Variants in FAM135B observed in about 807,000 individuals in gnomAD.
FAM135B encodes protein FAM135B.
FAM135B carries 43 observed loss-of-function variants against 127.7 expected under a neutral mutation model. The ratio of observed to expected loss-of-function variants is 0.34; its 90% CI spans 0.26 to 0.43. FAM135B has a LOEUF of 0.43. FAM135B is among the 20% of genes least tolerant of loss of function. The pLI is 1.00. For synonymous variants in FAM135B, 670 were observed against 665.1 expected, an observed-to-expected ratio of 1.01 and a Z score of -0.11; for missense variants, 1,558 against 1,725.6, an observed-to-expected ratio of 0.90 and a Z score of 1.72.
Position 138,178,429 on chromosome 8 carries a change from C to G in FAM135B, c.1029+106G>C, listed in dbSNP as rs78098565. 17 of 1,352,930 alleles carry G rather than the reference C, an allele frequency of 1.3e-5. No homozygotes were observed. The East Asian group carries it at 3.0e-4, about 24-fold the overall frequency. The allele number at this position is 1,352,930 out of a possible 1,614,324, so 83.8% of individuals were successfully genotyped here. ...CGGTCATGGTAGAGACACGAAAGCACGAAGATCTAGAGGCCAATCCTAATG... is the reference window on the plus strand; with the variant it reads ...CGGTCATGGTAGAGACACGAAAGCAGGAAGATCTAGAGGCCAATCCTAATG... On this transcript the variant is annotated intron_variant, in intron 10 of 19. Coordinates refer to ENST00000395297, the MANE Select transcript of FAM135B (RefSeq NM_015912.4).
chr8:138,242,873 C>G lies in FAM135B; in HGVS notation c.669+69G>C, dbSNP rs1030339903. ...GGGGATGTTTCAAAGAAGCATGAAT[C>G]TCATAGAACATACACTCTGCAAAGT... is the stretch of plus-strand genomic sequence containing the variant. On this transcript the variant is annotated intron_variant, in intron 7 of 19. Transcript: ENST00000395297. This position sits in a 1 kb window ranked among gnomAD's most constrained non-coding sequence, Gnocchi z 9.6. 2.7e-5 allele frequency: 41 copies of G among 1,528,890 alleles called. No homozygotes were observed. The African/African-American group carries it at 5.5e-4, about 20-fold the overall frequency. The allele number at this position is 1,528,890 out of a possible 1,614,324, so 94.7% of individuals were successfully genotyped here.
At chr8:138,405,589 A>G (rs1270433172) in intron 1 of FAM135B, among the ~76,000 whole-genome samples, 1 of 151,970 alleles carries the variant, frequency 6.6e-6, no homozygotes, top group African/African-American at 2.4e-5. Flanking sequence ...TATATGTGCC[A>G]CATTTTCTTA....
chr8:138,132,877 C>T lies in FAM135B; in HGVS notation c.4016-79G>A, dbSNP rs548851536. On this transcript the variant is annotated intron_variant, in intron 19 of 19. Transcript: ENST00000395297. This position sits in a 1 kb window ranked among gnomAD's most constrained non-coding sequence, Gnocchi z 4.5. ...CTAGAGAACATCACTAGATGTGTGTCGAAATTCTGTTCCTGGGCAGACCTG... is the reference window on the plus strand; with the variant it reads ...CTAGAGAACATCACTAGATGTGTGTTGAAATTCTGTTCCTGGGCAGACCTG... 10 of 1,310,214 alleles carry T rather than the reference C, an allele frequency of 7.6e-6. No individual in the cohort carries two copies. Among genetic ancestry groups the T allele is most frequent in the South Asian group, 6.0e-5 (5 of 83,056 alleles). 81.2% of individuals were successfully genotyped at this position (1,310,214 alleles called of 1,614,324 possible).
At chr8:138,381,420 C>T (rs2131286625) in intron 1 of FAM135B, among the ~76,000 whole-genome samples, 1 of 152,254 alleles carries the variant, frequency 6.6e-6, no homozygotes, top group Middle Eastern at 3.4e-3. Context: ...CATGCCACCG[C>T]CCTCCCTAAC....
intron 3 of FAM135B, 40 bp from the exon 4 acceptor site, chr8:138,265,882 A>G: frequency 6.3e-7 from 1 of 1,584,888 alleles, no homozygotes; most frequent in South Asian, 1.1e-5. Flanking sequence ...GAACTCCAAT[A>G]CTGTCCTGTA....
chr8:138,364,357 G>GT (rs1272365738), intron 2 of FAM135B, among the ~76,000 whole-genome samples: 5 of 152,026 alleles, frequency 3.3e-5, no homozygotes. Context: ...CAAGTGCAAG[G>GT]TTTTGTTGCT....
At chr8:138,390,815 C>A (rs883971) in intron 1 of FAM135B, among the ~76,000 whole-genome samples, 12,993 of 152,138 alleles carry the variant, frequency 0.085, 746 homozygotes, top group Middle Eastern at 0.13. Context: ...TCTCCTTCTG[C>A]AGCACTCTAT....
chr8:138,172,541 C>T (rs1019881469), intron 11 of FAM135B, among the ~76,000 whole-genome samples: 10 of 152,230 alleles, frequency 6.6e-5, no homozygotes, highest in African/African-American at 1.2e-4. Flanking sequence ...TTCTATTACC[C>T]GGTTCTTTAG....
chr8:138,157,747 G>A lies in FAM135B; in HGVS notation c.1259-4531C>T, dbSNP rs769038820. 5.9e-5 allele frequency among the ~76,000 whole-genome samples: 9 copies of A among 152,224 alleles called. 1 individual carries two copies. The highest frequency in any genetic ancestry group is 1.3e-4 in the Non-Finnish European group (9 of 68,046). ...TAGGAATCCAACTTACAAGGGACAT[G>A]TAGGATCTCTTCAAGGAGAAACTAC... On this transcript the variant is annotated intron_variant, in intron 12 of 19. Coordinates refer to ENST00000395297, the MANE Select transcript of FAM135B (RefSeq NM_015912.4).
intron 2 of FAM135B, among the ~76,000 whole-genome samples, chr8:138,330,939 T>C (rs1224775345): frequency 6.6e-6 from 1 of 150,832 alleles, no homozygotes; most frequent in Non-Finnish European, 1.5e-5. Context: ...GCCTCCAGGG[T>C]TCAAGCGATT....
chr8:138,134,922 T>C (rs1288787161), intron 19 of FAM135B, among the ~76,000 whole-genome samples: 2 of 152,144 alleles, frequency 1.3e-5, no homozygotes, highest in African/African-American at 2.4e-5. Context: ...TAAATGGCCA[T>C]TGTGAATATC....
chr8:138,133,887 C>T (rs914418389), intron 19 of FAM135B, among the ~76,000 whole-genome samples: 34 of 152,048 alleles, frequency 2.2e-4, no homozygotes, highest in Non-Finnish European at 7.4e-5. Context: ...TTTTCCCCCC[C>T]TTCTTAGGGT....
At chr8:138,469,186 CAGTTTTT>C (rs1444438436) in intron 1 of FAM135B, among the ~76,000 whole-genome samples, 4 of 151,554 alleles carry the variant, frequency 2.6e-5, no homozygotes, top group African/African-American at 9.7e-5. Context: ...TTGAAATTTT[CAGTTTTT>C]AAAGTTTCAG....
chr8:138,209,031 C>T (rs1817933297), intron 7 of FAM135B, among the ~76,000 whole-genome samples: 1 of 152,116 alleles, frequency 6.6e-6, no homozygotes, highest in Non-Finnish European at 1.5e-5. Context: ...ACTATATTTT[C>T]ATATTAGAAG....
intron 3 of FAM135B, among the ~76,000 whole-genome samples, chr8:138,270,187 T>A (rs969569658): frequency 1.3e-5 from 2 of 151,910 alleles, no homozygotes; most frequent in African/African-American, 4.8e-5. Context: ...GGAGGGCAAG[T>A]GGAAAAATAT....
intron 3 of FAM135B, among the ~76,000 whole-genome samples, chr8:138,283,335 C>T (rs1163866474): frequency 1.3e-5 from 2 of 151,774 alleles, no homozygotes; most frequent in South Asian, 2.1e-4. Context: ...ATACTTATTA[C>T]TAATTGAAAT....
chr8:138,472,166 G>C (rs1837712460), intron 1 of FAM135B, among the ~76,000 whole-genome samples: 1 of 152,126 alleles, frequency 6.6e-6, no homozygotes, highest in African/African-American at 2.4e-5. Flanking sequence ...AGTGTGTGTT[G>C]AGGGGGAATG....
intron 9 of FAM135B, among the ~76,000 whole-genome samples, chr8:138,183,161 T>C (rs1815239807): frequency 6.6e-6 from 1 of 152,208 alleles, no homozygotes; most frequent in South Asian, 2.1e-4. Context: ...ACACTGACAA[T>C]TGAGAGTTAC....
chr8:138,248,118 G>A (rs866620149), intron 6 of FAM135B, among the ~76,000 whole-genome samples: 3 of 152,168 alleles, frequency 2.0e-5, no homozygotes, highest in Admixed American at 6.5e-5. Flanking sequence ...TACATGTGCT[G>A]TCTCATTTAA....
Sources: allele counts gnomAD v4.1 joint callset (sites outside exome capture counted in the v4.1 genomes callset), GRCh38; gene constraint gnomAD v4.1.1; non-coding constraint Gnocchi (gnomAD v3.1); transcripts MANE v1.5; gene names NCBI Gene and HGNC (gene_info 2026-07-23, HGNC 2026-07-21).